Variants in TMEM135 observed in about 807,000 individuals in gnomAD.
The protein encoded by TMEM135 is transmembrane protein 135, also known as peroxisomal membrane protein 52.
Under a neutral mutation model 60.3 loss-of-function variants are expected in TMEM135, and 30 were observed. The observed-to-expected ratio is 0.50, with a 90% confidence interval of 0.37 to 0.68. The LOEUF (loss-of-function observed/expected upper bound fraction) is 0.68. Ranked by LOEUF, TMEM135 falls within the 30% of genes least tolerant of loss-of-function variation. The pLI is 0.00. For synonymous variants in TMEM135, 190 were observed against 186.7 expected, an observed-to-expected ratio of 1.02 and a Z score of -0.14; for missense variants, 468 against 548.8, an observed-to-expected ratio of 0.85 and a Z score of 1.47.
At chr11:87,153,857 T>G (rs556812043) in intron 4 of TMEM135, among the ~76,000 whole-genome samples, 2 of 152,334 alleles carry the variant, frequency 1.3e-5, no homozygotes, top group South Asian at 4.1e-4. Context: ...TCAATGGATT[T>G]TCCATTAAGT....
At chr11:87,212,015 C>CT (rs903264435) in intron 5 of TMEM135, among the ~76,000 whole-genome samples, 79 of 152,066 alleles carry the variant, frequency 5.2e-4, no homozygotes, top group Non-Finnish European at 9.1e-4. Flanking sequence ...TTTTTATCAA[C>CT]TTTTTTCATA....
chr11:87,165,594 G>T (rs1939013544), intron 5 of TMEM135, among the ~76,000 whole-genome samples: 1 of 149,808 alleles, frequency 6.7e-6, no homozygotes, highest in Non-Finnish European at 1.5e-5. Flanking sequence ...TCTATTGATT[G>T]GAATAGTTTC....
At chr11:87,309,734 A>G (rs2135447749) in intron 10 of TMEM135, 62 bp downstream of exon 10, 7 of 1,552,196 alleles carry the variant, frequency 4.5e-6, no homozygotes, top group Non-Finnish European at 6.2e-6. Context: ...TGTTAGAATG[A>G]GAGATGGCCT....
At chr11:87,202,010 G>GTTT (rs1402965498) in intron 5 of TMEM135, among the ~76,000 whole-genome samples, 1 of 43,210 alleles carries the variant, frequency 2.3e-5, no homozygotes, top group Admixed American at 2.3e-4. Flanking sequence ...GTTATGTTAT[G>GTTT]TAATGTTATG....
chr11:87,166,116 G>A (rs1939036991), intron 5 of TMEM135, among the ~76,000 whole-genome samples: 1 of 151,582 alleles, frequency 6.6e-6, no homozygotes, highest in South Asian at 2.1e-4. Flanking sequence ...CCAACCAAAT[G>A]TCTTCTTTTG....
chr11:87,072,505 C>T (rs569184600), intron 3 of TMEM135, among the ~76,000 whole-genome samples: 2 of 152,160 alleles, frequency 1.3e-5, no homozygotes, highest in East Asian at 1.9e-4. Context: ...CTTAGCCTCC[C>T]GAGTAGCTGG....
In TMEM135 at chr11:87,325,755, T is replaced by G; in HGVS notation, c.*4422T>G. The G allele has an allele frequency of 4.4e-6, 2 of 453,964 alleles. No homozygotes were observed. Among genetic ancestry groups the G allele is most frequent in the Non-Finnish European group, 8.8e-6 (2 of 226,776 alleles). The allele number at this position is 453,964 out of a possible 1,614,324, so 28.1% of individuals were successfully genotyped here. A position where few individuals can be genotyped will look rare whatever the true frequency, so the allele number is the denominator to read the frequency against. On this transcript the variant is annotated 3_prime_UTR_variant, in exon 15 of 15. Transcript: ENST00000305494. ...TAGGCAGGATGATGTAGAAGATAAT[T>G]GCACAGATATGGAAGGAGATGTTTC...
chr11:87,100,232 T>A (rs1310873000), intron 4 of TMEM135, among the ~76,000 whole-genome samples: 2 of 152,220 alleles, frequency 1.3e-5, no homozygotes, highest in Non-Finnish European at 2.9e-5. Context: ...TACATAGATT[T>A]TGACTATGTC....
intron 4 of TMEM135, among the ~76,000 whole-genome samples, chr11:87,136,700 G>C (rs911384813): frequency 6.6e-5 from 10 of 151,560 alleles, no homozygotes; most frequent in Non-Finnish European, 1.0e-4. Flanking sequence ...TTTAGGCTAA[G>C]TATTTCTTCT....
intron 5 of TMEM135, among the ~76,000 whole-genome samples, chr11:87,189,637 G>A (rs950830505): frequency 6.6e-6 from 1 of 151,960 alleles, no homozygotes; most frequent in East Asian, 1.9e-4. Context: ...AAAAAAATTA[G>A]GGTAAGTACA....
intron 6 of TMEM135, among the ~76,000 whole-genome samples, chr11:87,260,507 G>A (rs1353372397): frequency 2.0e-5 from 3 of 150,932 alleles, no homozygotes; most frequent in East Asian, 3.9e-4. Context: ...TAAAATTCCG[G>A]TCACTTTCCT....
intron 14 of TMEM135, 37 bp downstream of exon 14, chr11:87,319,414 G>A (rs1942785555): frequency 1.4e-6 from 2 of 1,449,276 alleles, no homozygotes; most frequent in Middle Eastern, 1.7e-4. Context: ...AATATTATGA[G>A]TGGTTTTATC....
intron 5 of TMEM135, among the ~76,000 whole-genome samples, chr11:87,160,355 T>TCTTA (rs1490599029): frequency 1.3e-5 from 2 of 152,124 alleles, no homozygotes; most frequent in African/African-American, 4.8e-5. Flanking sequence ...TTATAGGAGG[T>TCTTA]CTTAAGCAGA....
intron 10 of TMEM135, among the ~76,000 whole-genome samples, chr11:87,310,999 A>T (rs925435068): frequency 6.6e-6 from 1 of 151,762 alleles, no homozygotes; most frequent in African/African-American, 2.4e-5. Flanking sequence ...CTACAAAAAA[A>T]TTATAAATAT....
chr11:87,079,869 C>G (rs1453111483), intron 3 of TMEM135, among the ~76,000 whole-genome samples: 1 of 141,602 alleles, frequency 7.1e-6, no homozygotes, highest in Non-Finnish European at 1.5e-5. Context: ...TGAGACGGAG[C>G]CTCACTCTGT....
intron 2 of TMEM135, 97 bp downstream of exon 2, chr11:87,067,918 C>A: frequency 6.9e-7 from 1 of 1,456,244 alleles, no homozygotes; most frequent in Non-Finnish European, 9.5e-7. Flanking sequence ...GTTACTATCC[C>A]CGCCCCCCCT....
intron 4 of TMEM135, among the ~76,000 whole-genome samples, chr11:87,151,180 G>A (rs1938546839): frequency 6.6e-6 from 1 of 152,032 alleles, no homozygotes; most frequent in African/African-American, 2.4e-5. Context: ...TTCACTTTGG[G>A]AATTCATATC....
At chr11:87,198,540 T>G (rs1940012660) in intron 5 of TMEM135, among the ~76,000 whole-genome samples, 1 of 119,248 alleles carries the variant, frequency 8.4e-6, no homozygotes. Flanking sequence ...CACTCCTCCC[T>G]TCCCTCCTCC....
intron 4 of TMEM135, among the ~76,000 whole-genome samples, chr11:87,112,870 A>C (rs1023938158): frequency 3.3e-5 from 5 of 152,008 alleles, no homozygotes; most frequent in African/African-American, 9.7e-5. Flanking sequence ...GCAGATTTTC[A>C]TGAAAATAAC....
Sources: allele counts gnomAD v4.1 joint callset (sites outside exome capture counted in the v4.1 genomes callset), GRCh38; gene constraint gnomAD v4.1.1; transcripts MANE v1.5; gene names NCBI Gene and HGNC (gene_info 2026-07-23, HGNC 2026-07-21).